The following FRMD6 variants were observed in gnomAD, a reference collection of about 807,000 sequenced individuals.
FRMD6 encodes FERM domain containing 6, also known as FERM domain-containing protein 6.
FRMD6 carries 37 observed loss-of-function variants against 73.2 expected under a neutral mutation model. The observed-to-expected ratio is 0.51, with a 90% CI of 0.39 to 0.66. The LOEUF (loss-of-function observed/expected upper bound fraction) is 0.66. Among genes scored for constraint, FRMD6 ranks in the 30% least tolerant of loss-of-function variants. FRMD6 has a pLI of 0.00. For synonymous variants in FRMD6, 273 were observed against 282.2 expected (o/e 0.97, Z 0.33); for missense variants, 714 against 780.5 (o/e 0.91, Z 1.02).
intron 1 of FRMD6, among the ~76,000 whole-genome samples, chr14:51,509,958 C>A (rs529060894): frequency 6.6e-6 from 1 of 152,334 alleles, no homozygotes; most frequent in African/African-American, 2.4e-5. Flanking sequence ...GCCCTGAGGA[C>A]AATCCCAATG....
At chr14:51,444,221 G>A in the FRMD6 span, among the ~76,000 whole-genome samples, 1 of 152,200 alleles carries the variant, frequency 6.6e-6, no homozygotes, top group Non-Finnish European at 1.5e-5. Context: ...GAGCCACCAC[G>A]CCCAGCAGTG....
At chr14:51,644,387 A>ACACACACACACACTCTCT (rs1489278384) in intron 2 of FRMD6, among the ~76,000 whole-genome samples, 1 of 115,056 alleles carries the variant, frequency 8.7e-6, no homozygotes, top group Admixed American at 9.1e-5. Context: ...ACACACACAC[A>ACACACACACACACTCTCT]CTCACTCACT....
chr14:51,607,489 C>A (rs12879264), intron 2 of FRMD6, among the ~76,000 whole-genome samples: 31,170 of 151,982 alleles, frequency 0.21, 3,916 homozygotes, highest in Non-Finnish European at 0.28. Context: ...TCAAGTTTCT[C>A]AAATTTACTT....
intron 13 of FRMD6, among the ~76,000 whole-genome samples, 184 bp from the exon 14 acceptor site, chr14:51,727,561 T>C (rs1898045058): frequency 6.6e-6 from 1 of 152,204 alleles, no homozygotes; most frequent in Non-Finnish European, 1.5e-5. Flanking sequence ...TAGCTGCTAT[T>C]ATTACTGATG....
chr14:51,684,176 C>T (rs1236843472), intron 1 of FRMD6, among the ~76,000 whole-genome samples: 4 of 150,394 alleles, frequency 2.7e-5, no homozygotes, highest in Non-Finnish European at 5.9e-5. Context: ...AAAAAAAAAC[C>T]CTCATAGTAC....
chr14:51,433,308 A>G, the FRMD6 span, among the ~76,000 whole-genome samples: 1 of 152,248 alleles, frequency 6.6e-6, no homozygotes, highest in Non-Finnish European at 1.5e-5. Context: ...CAGATAGAAG[A>G]ATGATTGAAT....
At chr14:51,582,510 G>A (rs1313077551) in intron 2 of FRMD6, among the ~76,000 whole-genome samples, 3 of 152,170 alleles carry the variant, frequency 2.0e-5, no homozygotes, top group Non-Finnish European at 4.4e-5. Flanking sequence ...AGGCTATGCA[G>A]AATCATTAGG....
In FRMD6 at chr14:51,720,394, A is replaced by G. The variant is rs776074033; in HGVS notation, c.1360+4A>G. 11 of 1,612,464 alleles carry G rather than the reference A, an allele frequency of 6.8e-6. No homozygotes were observed. In the Admixed American group the frequency reaches 1.7e-4, roughly 24 times the overall value. On this transcript the variant is annotated splice_donor_region_variant and intron_variant, in intron 11 of 13. Transcript: ENST00000344768. Reference sequence around the variant, plus strand: ...GAAGAGGACTTACAGGACGATGGTAACAGTACTGTCCCCTCACTGGCTCTC... The same window carrying G: ...GAAGAGGACTTACAGGACGATGGTAGCAGTACTGTCCCCTCACTGGCTCTC...
chr14:51,601,476 C>T (rs1170140825), intron 2 of FRMD6, among the ~76,000 whole-genome samples: 2 of 152,240 alleles, frequency 1.3e-5, no homozygotes, highest in Admixed American at 1.3e-4. Context: ...TTTGCCTGTC[C>T]AAGGGTTACC....
At chr14:51,546,309 C>A (rs1212991964) in intron 1 of FRMD6, among the ~76,000 whole-genome samples, 1 of 151,974 alleles carries the variant, frequency 6.6e-6, no homozygotes, top group East Asian at 1.9e-4. Context: ...TATTTCCAGT[C>A]TCCACGTGGC....
rs141802248 is a variant in FRMD6, at chr14:51,702,623, T to C, written c.371+35T>C. 3.3e-6 allele frequency: 5 copies of C among 1,530,158 alleles called. No homozygotes were observed. In the Admixed American group the frequency reaches 5.2e-5, roughly 16 times the overall value. The allele number at this position is 1,530,158 out of a possible 1,614,324, so 94.8% of individuals were successfully genotyped here. ...CAGGGGGTGATTCTAAACGCTTTTT[T>C]TTCCCCCATAGCACTTTTTCTAACA... On this transcript the variant is annotated intron_variant, in intron 5 of 13. Coordinates refer to ENST00000344768, the MANE Select transcript of FRMD6 (RefSeq NM_001267046.2).
intron 2 of FRMD6, among the ~76,000 whole-genome samples, chr14:51,635,145 G>A (rs1190474732): frequency 1.3e-5 from 2 of 152,156 alleles, no homozygotes; most frequent in African/African-American, 4.8e-5. Context: ...CACTTTGGGA[G>A]GCTGAGGTAC....
intron 1 of FRMD6, among the ~76,000 whole-genome samples, chr14:51,513,427 C>A (rs374721061): frequency 3.3e-5 from 5 of 152,188 alleles, no homozygotes; most frequent in African/African-American, 1.2e-4. Context: ...TTCCTCTCAG[C>A]CACAGCCCAC....
chr14:51,480,938 A>G, the FRMD6 span, among the ~76,000 whole-genome samples: 4 of 152,196 alleles, frequency 2.6e-5, no homozygotes, highest in East Asian at 5.8e-4. Context: ...ATTGTAACCC[A>G]TTGTTCAATA....
At chr14:51,410,027 C>T in the FRMD6 span, among the ~76,000 whole-genome samples, 1 of 152,214 alleles carries the variant, frequency 6.6e-6, no homozygotes, top group East Asian at 1.9e-4. Context: ...AGAATTATTA[C>T]TCAGTGTTTC....
chr14:51,397,323 C>A, the FRMD6 span, among the ~76,000 whole-genome samples: 1 of 152,194 alleles, frequency 6.6e-6, no homozygotes, highest in Non-Finnish European at 1.5e-5. Context: ...AAGCCCTTTA[C>A]ATAAGGTATT....
In FRMD6 at chr14:51,704,729, GTTTTC is replaced by G. The variant is rs767136869; in HGVS notation, c.372-15_372-11del. 6 of 1,593,190 alleles carry G rather than the reference GTTTTC, an allele frequency of 3.8e-6. No individual in the cohort carries two copies. Among genetic ancestry groups the G allele is most frequent in the African/African-American group, 2.7e-5 (2 of 74,130 alleles). On this transcript the variant is annotated splice_polypyrimidine_tract_variant and intron_variant, in intron 5 of 13. Coordinates refer to ENST00000344768, the MANE Select transcript of FRMD6 (RefSeq NM_001267046.2). ...ATTATTCCATCAAAATGTGAGTTCTGTTTTCTTTTATTTTTCTAGTGACAGAGCAG... is the reference window on the plus strand; with the variant it reads ...ATTATTCCATCAAAATGTGAGTTCTGTTTTATTTTTCTAGTGACAGAGCAG...
chr14:51,686,399 T>C (rs1276032790), intron 1 of FRMD6, among the ~76,000 whole-genome samples: 1 of 152,098 alleles, frequency 6.6e-6, no homozygotes, highest in Non-Finnish European at 1.5e-5. Context: ...AAAATGACAA[T>C]CAGTATTGAA....
At chr14:51,709,844 C>A (rs987123147) in intron 7 of FRMD6, among the ~76,000 whole-genome samples, 3 of 152,056 alleles carry the variant, frequency 2.0e-5, no homozygotes, top group Non-Finnish European at 2.9e-5. Context: ...CAATTAGAAA[C>A]CCTATGTCAC....
Sources: gnomAD v4.1 joint callset for allele counts (sites outside exome capture counted in the v4.1 genomes callset) on GRCh38, gnomAD v4.1.1 for gene constraint, MANE v1.5 for transcripts, NCBI Gene and HGNC (gene_info 2026-07-23, HGNC 2026-07-21) for gene names.